The following NR0B1 variants were observed in gnomAD, a reference collection of about 807,000 sequenced individuals.
NR0B1 encodes DSS-AHC critical region on the X chromosome protein 1.
In NR0B1, 3 loss-of-function variants were observed where a neutral mutation model predicts 23.0. The observed-to-expected ratio is 0.13, with a 90% confidence interval of 0.06 to 0.34. The LOEUF (loss-of-function observed/expected upper bound fraction) is 0.34, where lower values mean the gene tolerates loss of function less well. Ranked by LOEUF, NR0B1 falls within the 10% of genes least tolerant of loss-of-function variation. NR0B1 has a pLI of 1.00. For synonymous variants in NR0B1, 205 were observed against 184.0 expected (o/e 1.11, Z -0.92); for missense variants, 350 against 402.9 (o/e 0.87, Z 1.12).
In NR0B1 at chrX:30,309,062, A is replaced by G; in HGVS notation, c.302T>C (p.Leu101Pro). The G allele has an allele frequency of 8.3e-7, 1 of 1,200,979 alleles. No individual in the cohort carries two copies. The highest frequency in any genetic ancestry group is 1.8e-5 in the African/African-American group (1 of 54,408). ...YAAPKAPEAT[L>P]GPCWGCSCGS... ...GCACGAACAGCCCCAGCACGGACCC[A>G]GCGTCGCCTCGGGCGCCTTCGGTGC... Residue 101 changes from leucine to proline, a missense_variant, in exon 1 of 2, where the codon CTG (leucine) becomes CCG (proline). Leu to Pro is a moderately conservative substitution (Grantham distance 98, BLOSUM62 -3). Transcript: ENST00000378970.
chrX:30,309,267 G>T lies in NR0B1; in HGVS notation c.97C>A (p.Arg33=). 8.6e-7 allele frequency: 1 copy of T among 1,165,353 alleles called. No individual in the cohort carries two copies. The highest frequency in any genetic ancestry group is 1.8e-5 in the South Asian group (1 of 55,137). Residue 33 remains arginine, a synonymous_variant, in exon 1 of 2, where the codon CGG becomes AGG. Transcript: ENST00000378970. ...CAGCCCCAGCACTGATCCACCAGCC[G>T]CGTCTCTGGAGCCTCAGGAGCCGCG... ...TRAAPEAPET[R]LVDQCWGCSC... is the part of the protein sequence containing the mutation.
chrX:30,306,768 A>G (rs757936848), intron 1 of NR0B1, among the ~76,000 whole-genome samples: 1 of 111,498 alleles, frequency 9.0e-6, no homozygotes, highest in South Asian at 3.8e-4. Flanking sequence ...GAATAAGAAG[A>G]CTGTTTTCCA....
rs1165222593 is a variant in NR0B1, at chrX:30,304,573, A to G, written c.*6T>C. ...GCACTACTGCACTTGTGTGGCCCACATGACTTTATATCTTTGTACAGAGCA... is the reference window on the plus strand; with the variant it reads ...GCACTACTGCACTTGTGTGGCCCACGTGACTTTATATCTTTGTACAGAGCA... On this transcript the variant is annotated 3_prime_UTR_variant, in exon 2 of 2. Coordinates refer to ENST00000378970, the MANE Select transcript of NR0B1 (RefSeq NM_000475.5). 8.3e-7 allele frequency: 1 copy of G among 1,211,512 alleles called. No homozygotes were observed. Among genetic ancestry groups the G allele is most frequent in the South Asian group, 1.8e-5 (1 of 56,982 alleles).
rs372429177 is a variant in NR0B1, at chrX:30,304,794, T to C, written c.1198A>G (p.Ile400Val). The C allele has an allele frequency of 5.1e-5, 62 of 1,209,626 alleles. No homozygotes were observed. The highest frequency in any genetic ancestry group is 6.8e-5 in the Non-Finnish European group (61 of 894,906). The change falls in exon 2 of 2, where the codon ATT becomes GTT. Residue 400 changes from isoleucine to valine, a missense_variant. Around this residue, in one of 2 missense-constraint regions of NR0B1, gnomAD observed 52 missense variants for 88.9 expected, o/e 0.58. Coordinates refer to ENST00000378970, the MANE Select transcript of NR0B1 (RefSeq NM_000475.5). Reference protein sequence around the residue: ...DVPGLQCVKYIQGLQWGTQQI... With the variant: ...DVPGLQCVKYVQGLQWGTQQI... ...TGAGTTCCCCACTGGAGTCCCTGAA[T>C]GTACTTCACGCACTGCAGGCCCGGC...
Position 30,308,205 on chromosome X carries a change from A to G in NR0B1, c.1159T>C (p.Phe387Leu). Residue 387 changes from phenylalanine to leucine, a missense_variant, in exon 1 of 2, where the codon TTT (phenylalanine) becomes CTT (leucine). By Grantham distance (22) the Phe-to-Leu change is conservative (BLOSUM62 0). Transcript: ENST00000378970. ...EYAYLKGTVL[F>L]NPDVPGLQCV... The stretch of plus-strand genomic sequence containing the variant: ...AGGCCAGTACCCTTACCCGGGTTAA[A>G]GAGCACGGTCCCCTTGAGGTAGGCG... 8.3e-6 allele frequency: 10 copies of G among 1,208,747 alleles called. No homozygotes were observed. Among genetic ancestry groups the G allele is most frequent in the Non-Finnish European group, 1.1e-5 (10 of 892,444 alleles).
chrX:30,309,057 G>A lies in NR0B1; in HGVS notation c.307C>T (p.Pro103Ser), dbSNP rs371031186. Residue 103 changes from proline to serine, a missense_variant, in exon 1 of 2, where the codon CCG (proline) becomes TCG (serine). Physicochemically the swap from Pro to Ser is moderately conservative, Grantham distance 74. Around this residue, in one of 2 missense-constraint regions of NR0B1, gnomAD observed 298 missense variants for 314.0 expected, o/e 0.95. Coordinates refer to ENST00000378970, the MANE Select transcript of NR0B1 (RefSeq NM_000475.5). ...APKAPEATLG[P>S]CWGCSCGSDP... Reference sequence around the variant, plus strand: ...GAGCCGCACGAACAGCCCCAGCACGGACCCAGCGTCGCCTCGGGCGCCTTC... The same window carrying A: ...GAGCCGCACGAACAGCCCCAGCACGAACCCAGCGTCGCCTCGGGCGCCTTC... The A allele has an allele frequency of 2.4e-5, 29 of 1,204,783 alleles. No homozygotes were observed. Among genetic ancestry groups the A allele is most frequent in the Non-Finnish European group, 2.9e-5 (26 of 894,004 alleles).
intron 1 of NR0B1, among the ~76,000 whole-genome samples, chrX:30,307,210 G>A: frequency 8.9e-6 from 1 of 112,072 alleles, no homozygotes; most frequent in Middle Eastern, 4.6e-3. Flanking sequence ...CATTTTGAAA[G>A]GACGCTGGTT....
At chrX:30,305,602 A>G in intron 1 of NR0B1, 1 of 263,758 alleles carries the variant, frequency 3.8e-6, no homozygotes, top group Non-Finnish European at 6.7e-6. Flanking sequence ...AACTTTTGTA[A>G]TAGAAAACAC....
In NR0B1 at chrX:30,304,411, T is replaced by C. The variant is rs992351248; in HGVS notation, c.*168A>G. 5 of 549,917 alleles carry C rather than the reference T, an allele frequency of 9.1e-6. No individual in the cohort carries two copies. Among genetic ancestry groups the C allele is most frequent in the Non-Finnish European group, 1.4e-5 (5 of 354,280 alleles). 45.3% of individuals were successfully genotyped at this position (549,917 alleles called of 1,213,427 possible). Reference sequence around the variant, plus strand: ...TTCTTTAACTATGGAACAGAGAAATTTGTGACTGTCTGGAATAAAATTATT... The same window carrying C: ...TTCTTTAACTATGGAACAGAGAAATCTGTGACTGTCTGGAATAAAATTATT... On this transcript the variant is annotated 3_prime_UTR_variant, in exon 2 of 2. Transcript: ENST00000378970.
At chrX:30,306,292 C>G in intron 1 of NR0B1, among the ~76,000 whole-genome samples, 1 of 111,336 alleles carries the variant, frequency 9.0e-6, no homozygotes, top group Non-Finnish European at 1.9e-5. Context: ...GTGGTTCCCC[C>G]CCACACAGAG....
At chrX:30,306,460 A>C (rs866188287) in intron 1 of NR0B1, among the ~76,000 whole-genome samples, 1 of 111,987 alleles carries the variant, frequency 8.9e-6, no homozygotes, top group Non-Finnish European at 1.9e-5. Context: ...CCACACTCTT[A>C]ATAGGCATTA....
chrX:30,305,135 T>C (rs909864206), intron 1 of NR0B1, among the ~76,000 whole-genome samples: 3 of 112,965 alleles, frequency 2.7e-5, no homozygotes, highest in African/African-American at 9.7e-5. Context: ...TCCAGTTCAC[T>C]TTCTATGCAA....
At position 30,309,068 on chromosome X, in the gene NR0B1, G is replaced by A. The variant is rs769314867; in HGVS notation, c.296C>T (p.Ala99Val). 8.4e-7 allele frequency: 1 copy of A among 1,195,658 alleles called. No homozygotes were observed. Among genetic ancestry groups the A allele is most frequent in the Admixed American group, 2.3e-5 (1 of 43,698 alleles). ...QTYAAPKAPE[A>V]TLGPCWGCSC... The stretch of plus-strand genomic sequence containing the variant: ...ACAGCCCCAGCACGGACCCAGCGTC[G>A]CCTCGGGCGCCTTCGGTGCCGCGTA... The change falls in exon 1 of 2, where the codon GCG (alanine) becomes GTG (valine). Residue 99 changes from alanine to valine, a missense_variant. Transcript: ENST00000378970.
In NR0B1 at chrX:30,308,828, T is replaced by A. The variant is rs1348796820; in HGVS notation, c.536A>T (p.Gln179Leu). Residue 179 changes from glutamine to leucine, a missense_variant, in exon 1 of 2, where the codon CAG becomes CTG. Physicochemically the swap from Gln to Leu is moderately radical, Grantham distance 113. This residue lies in a region of NR0B1 where 298 missense variants were observed against 314.0 expected (regional missense o/e 0.95). Transcript: ENST00000378970. ...TAGCGCCTCTTTACCCCCTGGCCTC[T>A]GCGCGAAGTAGGAGCGGTCCCACCA... Reference protein sequence around the residue: ...GAWWDRSYFAQRPGGKEALPG... With the variant: ...GAWWDRSYFALRPGGKEALPG... 1 of 1,200,427 alleles carries A rather than the reference T, an allele frequency of 8.3e-7. No individual in the cohort carries two copies. Among genetic ancestry groups the A allele is most frequent in the Non-Finnish European group, 1.1e-6 (1 of 891,302 alleles).
intron 1 of NR0B1, among the ~76,000 whole-genome samples, chrX:30,307,829 T>A (rs1348172062): frequency 1.8e-5 from 2 of 112,497 alleles, no homozygotes; most frequent in African/African-American, 6.5e-5. Flanking sequence ...TGCAGAATCT[T>A]CAGTGAGCAA....
rs768294984 is a variant in NR0B1, at chrX:30,308,893, G to C, written c.471C>G (p.His157Gln). The change falls in exon 1 of 2, where the codon CAC (histidine) becomes CAG (glutamine). Residue 157 changes from histidine (H) to glutamine (Q), a missense_variant. Around this residue, in one of 2 missense-constraint regions of NR0B1, gnomAD observed 298 missense variants for 314.0 expected, o/e 0.95. Transcript: ENST00000378970. ...GTGCCTCGGGCGCTGCCGGAGCCACGTGCGTTTGCTTTGAGCTAGTGAGCA... is the reference window on the plus strand; with the variant it reads ...GTGCCTCGGGCGCTGCCGGAGCCACCTGCGTTTGCTTTGAGCTAGTGAGCA... ...YSLLTSSKQT[H>Q]VAPAAPEARP... The C allele has an allele frequency of 4.3e-6, 5 of 1,171,688 alleles. No individual in the cohort carries two copies. The highest frequency in any genetic ancestry group is 5.7e-6 in the Non-Finnish European group (5 of 875,515).
intron 1 of NR0B1, among the ~76,000 whole-genome samples, chrX:30,307,754 A>T (rs1354945788): frequency 9.0e-6 from 1 of 111,670 alleles, no homozygotes; most frequent in African/African-American, 3.3e-5. Context: ...TGCTAGCCTT[A>T]ATAGATTTCC....
At chrX:30,305,721 C>CT in intron 1 of NR0B1, 2 of 403,228 alleles carry the variant, frequency 5.0e-6, no homozygotes, top group Non-Finnish European at 8.6e-6. Flanking sequence ...GAGGAGGCTG[C>CT]TTTTGAAGGT....
rs773490039 is a variant in NR0B1, at chrX:30,309,238, C to G, written c.126G>C (p.Ser42=). The stretch of plus-strand genomic sequence containing the variant: ...TGCCCACCCCGGGCTCATCGCCGCA[C>G]GAACAGCCCCAGCACTGATCCACCA... ...TRLVDQCWGC[S]CGDEPGVGRE... is the part of the protein sequence containing the mutation. The change falls in exon 1 of 2, where the codon TCG becomes TCC. Residue 42 remains serine, a synonymous_variant. Transcript: ENST00000378970. 7.7e-6 allele frequency: 9 copies of G among 1,168,633 alleles called. No homozygotes were observed. Among genetic ancestry groups the G allele is most frequent in the Non-Finnish European group, 1.0e-5 (9 of 864,348 alleles).
Sources: gnomAD v4.1 joint callset for allele counts (sites outside exome capture counted in the v4.1 genomes callset) on GRCh38, gnomAD v4.1.1 for gene constraint, gnomAD v4.1.1 regional missense constraint, MANE v1.5 for transcripts, NCBI Gene and HGNC (gene_info 2026-07-23, HGNC 2026-07-21) for gene names.